Variants in SOX6 observed in about 807,000 individuals in gnomAD.
SOX6 encodes the protein transcription factor SOX-6.
Under a neutral mutation model 97.8 loss-of-function variants are expected in SOX6, and 11 were observed. The ratio of observed to expected loss-of-function variants is 0.11; its 90% CI spans 0.07 to 0.19. SOX6 has a LOEUF of 0.19. SOX6 is among the 10% of genes least tolerant of loss of function. SOX6 has a pLI of 1.00. For synonymous variants in SOX6, 360 were observed against 371.4 expected (o/e 0.97, Z 0.35); for missense variants, 810 against 1,039.5 (o/e 0.78, Z 3.04).
intron 4 of SOX6, among the ~76,000 whole-genome samples, chr11:16,525,213 G>A (rs1219777729): frequency 5.3e-5 from 8 of 152,090 alleles, no homozygotes; most frequent in East Asian, 3.9e-4. Context: ...GAAGCACCAC[G>A]CTACCTGACT....
chr11:16,222,393 T>C (rs1316818643), intron 4 of SOX6, among the ~76,000 whole-genome samples: 1 of 152,020 alleles, frequency 6.6e-6, no homozygotes, highest in African/African-American at 2.4e-5. Context: ...TTTTAATTTT[T>C]TGTAGAGATG....
At chr11:16,011,418 C>T (rs539731177) in intron 13 of SOX6, among the ~76,000 whole-genome samples, 1 of 152,120 alleles carries the variant, frequency 6.6e-6, no homozygotes, top group Admixed American at 6.6e-5. Flanking sequence ...TGTCTTGTCA[C>T]ATTCAAGCCA....
chr11:16,587,355 T>A (rs12794400), intron 4 of SOX6, among the ~76,000 whole-genome samples: 3 of 152,054 alleles, frequency 2.0e-5, no homozygotes, highest in East Asian at 1.9e-4. Flanking sequence ...CTCCCAGGGC[T>A]GTTGTGTAGA....
intron 1 of SOX6, chr11:16,408,697 C>A (rs1180372801): frequency 6.6e-6 from 1 of 151,932 alleles, no homozygotes; most frequent in East Asian, 1.9e-4. Context: ...GCCACACCTA[C>A]CTCCGCAGAT....
At chr11:16,540,911 G>C (rs1861396555) in intron 4 of SOX6, among the ~76,000 whole-genome samples, 1 of 152,178 alleles carries the variant, frequency 6.6e-6, no homozygotes, top group African/African-American at 2.4e-5. Flanking sequence ...GTAATTTATA[G>C]ATTCAATGCC....
intron 1 of SOX6, among the ~76,000 whole-genome samples, chr11:16,421,840 G>C: frequency 6.6e-6 from 1 of 152,228 alleles, no homozygotes; most frequent in Non-Finnish European, 1.5e-5. Context: ...TCAGTTTACT[G>C]TTAGAGTCAG....
At chr11:16,706,449 CAAA>C (rs71047512) in intron 3 of SOX6, among the ~76,000 whole-genome samples, 10 of 2,448 alleles carry the variant, frequency 4.1e-3, no homozygotes, top group African/African-American at 6.4e-3. Flanking sequence ...GAACCTATCA[CAAA>C]AAAAAAAAAA....
chr11:16,319,755 G>T (rs1315912064), intron 2 of SOX6, among the ~76,000 whole-genome samples: 2 of 151,854 alleles, frequency 1.3e-5, no homozygotes, highest in Non-Finnish European at 2.9e-5. Flanking sequence ...ATGGACATTT[G>T]GGTTGGTTCC....
At chr11:16,427,201 GA>G (rs1859160269) in intron 1 of SOX6, among the ~76,000 whole-genome samples, 1 of 151,558 alleles carries the variant, frequency 6.6e-6, no homozygotes, top group Admixed American at 6.6e-5. Flanking sequence ...TAAAGAATGG[GA>G]AAAAATTTTT....
chr11:16,669,384 C>T (rs1415940362), intron 3 of SOX6, among the ~76,000 whole-genome samples: 1 of 152,222 alleles, frequency 6.6e-6, no homozygotes, highest in African/African-American at 2.4e-5. Flanking sequence ...GCCAAGGGAA[C>T]CTCCCCCACC....
intron 1 of SOX6, among the ~76,000 whole-genome samples, chr11:16,405,660 A>T (rs1256846912): frequency 6.6e-6 from 1 of 152,068 alleles, no homozygotes; most frequent in African/African-American, 2.4e-5. Flanking sequence ...AGCACAATGA[A>T]TTAAAGAACC....
chr11:16,542,073 A>G (rs1285400156), intron 4 of SOX6, among the ~76,000 whole-genome samples: 2 of 152,252 alleles, frequency 1.3e-5, no homozygotes, highest in African/African-American at 2.4e-5. Context: ...ACAAATGTCC[A>G]TCAGTGATAG....
At chr11:16,525,209 C>T (rs1252303678) in intron 4 of SOX6, among the ~76,000 whole-genome samples, 3 of 152,122 alleles carry the variant, frequency 2.0e-5, no homozygotes, top group East Asian at 3.9e-4. Flanking sequence ...GATGGAAGCA[C>T]CACGCTACCT....
chr11:16,406,368 T>G (rs925873192), intron 1 of SOX6, among the ~76,000 whole-genome samples: 5 of 152,110 alleles, frequency 3.3e-5, no homozygotes, highest in Admixed American at 2.0e-4. Context: ...ACAATAAGCA[T>G]GTATTTAGCT....
rs577507329 is a variant in SOX6, at chr11:16,232,897, C to T, written c.535+1685G>A. Among the ~76,000 whole-genome samples the T allele has an allele frequency of 1.7e-4, 26 of 151,386 alleles. No individual in the cohort carries two copies. In the South Asian group the frequency reaches 2.1e-3, roughly 12 times the overall value. On this transcript the variant is annotated intron_variant, in intron 4 of 15. Transcript: ENST00000683767. Reference sequence around the variant, plus strand: ...CAATAAGTTGAGTTTCTTTTTTTTTCCAAGACAGCAAATGGCCTTTATGGG... The same window carrying T: ...CAATAAGTTGAGTTTCTTTTTTTTTTCAAGACAGCAAATGGCCTTTATGGG...
At chr11:16,027,864 G>T (rs1855255555) in intron 12 of SOX6, among the ~76,000 whole-genome samples, 1 of 152,206 alleles carries the variant, frequency 6.6e-6, no homozygotes, top group African/African-American at 2.4e-5. Context: ...GGAGGACAAA[G>T]GGAAAGGAGC....
intron 1 of SOX6, among the ~76,000 whole-genome samples, chr11:16,399,314 TA>T (rs1185792030): frequency 6.6e-6 from 1 of 151,134 alleles, no homozygotes; most frequent in East Asian, 1.9e-4. Context: ...ATAGATAACT[TA>T]AAGCAGTAAT....
At chr11:16,007,244 C>G (rs1018037408) in intron 13 of SOX6, among the ~76,000 whole-genome samples, 2 of 152,070 alleles carry the variant, frequency 1.3e-5, no homozygotes, top group African/African-American at 4.8e-5. Flanking sequence ...AGACTACAAA[C>G]ACATACAGCA....
intron 6 of SOX6, among the ~76,000 whole-genome samples, chr11:16,155,529 T>C (rs113997593): frequency 0.012 from 1,794 of 152,266 alleles, 40 homozygotes; most frequent in African/African-American, 0.042. Flanking sequence ...CTTGGGCAAG[T>C]TGTTTAACCT....
Sources: gnomAD v4.1 joint callset for allele counts (sites outside exome capture counted in the v4.1 genomes callset) on GRCh38, gnomAD v4.1.1 for gene constraint, MANE v1.5 for transcripts, NCBI Gene and HGNC (gene_info 2026-07-23, HGNC 2026-07-21) for gene names.